The following GULP1 variants were observed in gnomAD, a reference collection of about 807,000 sequenced individuals.
The protein encoded by GULP1 is GULP PTB domain containing engulfment adaptor 1.
Under a neutral mutation model 40.9 loss-of-function variants are expected in GULP1, and 19 were observed. The ratio of observed to expected loss-of-function variants is 0.46; its 90% CI spans 0.32 to 0.68. The LOEUF is 0.68. Among genes scored for constraint, GULP1 ranks in the 30% least tolerant of loss-of-function variants. The pLI, the probability that GULP1 is intolerant of heterozygous loss-of-function variation, is 0.03. For synonymous variants in GULP1, 119 were observed against 117.6 expected, an observed-to-expected ratio of 1.01 and a Z score of -0.08; for missense variants, 312 against 362.2, an observed-to-expected ratio of 0.86 and a Z score of 1.12.
intron 6 of GULP1, among the ~76,000 whole-genome samples, chr2:188,532,891 A>G (rs939751018): frequency 6.6e-6 from 1 of 152,116 alleles, no homozygotes; most frequent in Non-Finnish European, 1.5e-5. Context: ...ACTGCACTCC[A>G]GCACAGGTGA....
chr2:188,321,986 T>C (rs779114489), intron 1 of GULP1, among the ~76,000 whole-genome samples: 25 of 152,012 alleles, frequency 1.6e-4, no homozygotes, highest in Admixed American at 8.5e-4. Flanking sequence ...GATTGTGCCA[T>C]TGCACTCCAG....
chr2:188,560,787 G>T (rs1023422273), intron 7 of GULP1, among the ~76,000 whole-genome samples: 2 of 152,286 alleles, frequency 1.3e-5, no homozygotes, highest in Admixed American at 1.3e-4. Flanking sequence ...GGCTTACATG[G>T]CAGGAGCAGG....
intron 2 of GULP1, among the ~76,000 whole-genome samples, chr2:188,384,695 A>G (rs1367672433): frequency 6.6e-6 from 1 of 152,186 alleles, no homozygotes; most frequent in Admixed American, 6.5e-5. Context: ...CAAGTTAGTT[A>G]CTTCCTAGAT....
intron 4 of GULP1, among the ~76,000 whole-genome samples, chr2:188,515,131 T>C (rs1347550860): frequency 6.7e-6 from 1 of 150,212 alleles, no homozygotes; most frequent in Non-Finnish European, 1.5e-5. Flanking sequence ...TGCCAAACCA[T>C]TTTTTTTTTC....
intron 1 of GULP1, among the ~76,000 whole-genome samples, chr2:188,321,723 G>T (rs1166604915): frequency 6.6e-6 from 1 of 151,636 alleles, no homozygotes; most frequent in East Asian, 1.9e-4. Flanking sequence ...AGAGTTAAAA[G>T]ATTACTCAGG....
intron 4 of GULP1, among the ~76,000 whole-genome samples, chr2:188,519,853 A>G (rs1288627513): frequency 2.0e-5 from 3 of 152,026 alleles, no homozygotes; most frequent in African/African-American, 7.2e-5. Flanking sequence ...TGTGTTGCTC[A>G]GGCTGCCCTC....
chr2:188,400,564 G>T (rs766358565), intron 2 of GULP1, among the ~76,000 whole-genome samples: 1 of 152,170 alleles, frequency 6.6e-6, no homozygotes, highest in Non-Finnish European at 1.5e-5. Context: ...AAATGTAGTG[G>T]AGTGCCACTG....
chr2:188,384,832 A>G (rs928442660), intron 2 of GULP1, among the ~76,000 whole-genome samples: 4 of 152,190 alleles, frequency 2.6e-5, no homozygotes, highest in Non-Finnish European at 5.9e-5. Context: ...AAGCTCCAAA[A>G]TGATCTCCTT....
chr2:188,310,872 T>A (rs1301442340), intron 1 of GULP1, among the ~76,000 whole-genome samples: 1 of 152,186 alleles, frequency 6.6e-6, no homozygotes, highest in Non-Finnish European at 1.5e-5. Flanking sequence ...CTAAACTAGA[T>A]CATTTTAGAA....
intron 6 of GULP1, among the ~76,000 whole-genome samples, chr2:188,538,223 T>C (rs1044934235): frequency 6.6e-6 from 1 of 152,118 alleles, no homozygotes; most frequent in African/African-American, 2.4e-5. Context: ...TTCTGCTAGC[T>C]TTGGGGTTAG....
intron 6 of GULP1, among the ~76,000 whole-genome samples, chr2:188,537,245 G>A (rs528381418): frequency 6.6e-6 from 1 of 151,902 alleles, no homozygotes; most frequent in South Asian, 2.1e-4. Flanking sequence ...GATGAGAGTG[G>A]GCATCCTTGT....
At chr2:188,294,430 A>G (rs182112005) in intron 1 of GULP1, 40 of 152,332 alleles carry the variant, frequency 2.6e-4, no homozygotes, top group African/African-American at 8.7e-4. Flanking sequence ...TTTGCCCTTT[A>G]CTGCTTCCTA....
intron 2 of GULP1, among the ~76,000 whole-genome samples, chr2:188,413,308 A>G (rs1236971256): frequency 6.6e-6 from 1 of 152,178 alleles, no homozygotes; most frequent in African/African-American, 2.4e-5. Context: ...CACTCCCAAC[A>G]GTGTAAAAGC....
rs141790117 is a variant in GULP1, at chr2:188,300,562, G to C, written c.-172+8396G>C. On this transcript the variant is annotated intron_variant, in intron 1 of 11. Transcript: ENST00000409830. ...TACAACAAATTACTATCTTATGAAG[G>C]GGACCTATAATTAAAACATATATAA... 2.7e-3 allele frequency among the ~76,000 whole-genome samples: 403 copies of C among 152,064 alleles called. 1 individual carries two copies. The highest frequency in any genetic ancestry group is 9.0e-3 in the African/African-American group (374 of 41,474).
At chr2:188,321,936 A>C (rs1345294168) in intron 1 of GULP1, among the ~76,000 whole-genome samples, 3 of 152,112 alleles carry the variant, frequency 2.0e-5, no homozygotes. Context: ...AATCTCTTGA[A>C]CCTAGGAGGC....
At chr2:188,309,272 C>G (rs914939609) in intron 1 of GULP1, among the ~76,000 whole-genome samples, 21 of 151,932 alleles carry the variant, frequency 1.4e-4, no homozygotes, top group African/African-American at 5.1e-4. Context: ...TCAAGACCAG[C>G]CTGGGCAACA....
intron 7 of GULP1, among the ~76,000 whole-genome samples, chr2:188,566,765 A>C (rs564076277): frequency 8.3e-4 from 114 of 137,708 alleles, no homozygotes; most frequent in Non-Finnish European, 1.3e-3. Flanking sequence ...ACTGCACTCC[A>C]GCCTGGGTAG....
intron 8 of GULP1, 82 bp from the exon 9 acceptor site, chr2:188,569,946 A>G: frequency 3.3e-6 from 2 of 603,318 alleles, no homozygotes; most frequent in Non-Finnish European, 5.9e-6. Flanking sequence ...TTTACGTAAT[A>G]TAAATTCCTA....
At chr2:188,502,626 A>G (rs1249256998) in intron 4 of GULP1, among the ~76,000 whole-genome samples, 1 of 151,902 alleles carries the variant, frequency 6.6e-6, no homozygotes, top group African/African-American at 2.4e-5. Context: ...AATGTGTGAC[A>G]CAGAGTAGGT....
Sources: gnomAD v4.1 joint callset for allele counts (sites outside exome capture counted in the v4.1 genomes callset) on GRCh38, gnomAD v4.1.1 for gene constraint, MANE v1.5 for transcripts, NCBI Gene and HGNC (gene_info 2026-07-23, HGNC 2026-07-21) for gene names.